Variants in EYS observed in about 807,000 individuals in gnomAD.
EYS encodes EGF-like photoreceptor maintenance factor.
In EYS, 250 loss-of-function variants were observed where a neutral mutation model predicts 282.1. That is an observed-to-expected ratio of 0.89 (90% CI 0.80 to 0.98). EYS has a LOEUF of 0.98. Among genes scored for constraint, EYS ranks in the 50% least tolerant of loss-of-function variants. EYS has a pLI of 0.00. For missense variants in EYS, 4,016 were observed against 3,709.0 expected, an observed-to-expected ratio of 1.08 and a Z score of -2.15; for synonymous variants, 1,355 against 1,282.9, an observed-to-expected ratio of 1.06 and a Z score of -1.20.
At chr6:63,892,267 G>A (rs1470511048) in intron 35 of EYS, among the ~76,000 whole-genome samples, 1 of 152,118 alleles carries the variant, frequency 6.6e-6, no homozygotes, top group Non-Finnish European at 1.5e-5. Context: ...AGCCCATATA[G>A]ACAAGACAAT....
Position 64,464,105 on chromosome 6 carries a change from C to T in EYS, c.5645-24753G>A, listed in dbSNP as rs184698770. 3.9e-5 allele frequency among the ~76,000 whole-genome samples: 6 copies of T among 152,222 alleles called. No individual in the cohort carries two copies. In the East Asian group the frequency reaches 1.2e-3, roughly 29 times the overall value. On this transcript the variant is annotated intron_variant, in intron 26 of 42. Transcript: ENST00000503581. ...CATTAAAATCATTGTTTTCCATGAA[C>T]AAATGGGATTTATCCCAGGGATACA... is the stretch of plus-strand genomic sequence containing the variant.
chr6:64,732,688 T>A (rs762090904), intron 22 of EYS, among the ~76,000 whole-genome samples: 4 of 152,136 alleles, frequency 2.6e-5, no homozygotes. Flanking sequence ...AACCTCTAAA[T>A]AACAGGACAG....
At chr6:65,443,177 C>T (rs1321474843) in intron 5 of EYS, among the ~76,000 whole-genome samples, 2 of 146,546 alleles carry the variant, frequency 1.4e-5, no homozygotes, top group Non-Finnish European at 3.1e-5. Context: ...CACATATGTG[C>T]ACATCATATA....
At chr6:63,983,436 T>C (rs1767200559) in intron 35 of EYS, among the ~76,000 whole-genome samples, 1 of 151,832 alleles carries the variant, frequency 6.6e-6, no homozygotes, top group African/African-American at 2.4e-5. Context: ...TGATTGGTTC[T>C]TTCTCTCTTT....
chr6:64,649,139 A>G (rs2149876937), intron 22 of EYS, among the ~76,000 whole-genome samples: 1 of 152,280 alleles, frequency 6.6e-6, no homozygotes, highest in Admixed American at 6.5e-5. Flanking sequence ...CTCTTACTGT[A>G]ATTTTCCTGT....
intron 18 of EYS, among the ~76,000 whole-genome samples, chr6:64,890,191 C>G (rs1294604499): frequency 1.3e-5 from 2 of 152,028 alleles, no homozygotes; most frequent in Admixed American, 1.3e-4. Flanking sequence ...CTCTCAAAAC[C>G]CTGTCTCCTG....
chr6:64,461,562 T>A (rs79498147), intron 26 of EYS, among the ~76,000 whole-genome samples: 1,620 of 152,332 alleles, frequency 0.011, 23 homozygotes, highest in African/African-American at 0.037. Flanking sequence ...AATATAGATT[T>A]TGTGTTCTTT....
intron 1 of EYS, among the ~76,000 whole-genome samples, chr6:65,684,513 G>A (rs1459603725): frequency 6.6e-6 from 1 of 151,970 alleles, no homozygotes; most frequent in African/African-American, 2.4e-5. Context: ...ATATGGTACA[G>A]AAATGAAGTG....
chr6:65,456,852 G>C (rs1048288738), intron 5 of EYS, among the ~76,000 whole-genome samples: 1 of 152,110 alleles, frequency 6.6e-6, no homozygotes, highest in Non-Finnish European at 1.5e-5. Flanking sequence ...ACCCATATTA[G>C]AAAGGAGGAA....
chr6:64,453,863 G>A (rs35757919), intron 26 of EYS, among the ~76,000 whole-genome samples: 1 of 151,840 alleles, frequency 6.6e-6, no homozygotes, highest in African/African-American at 2.4e-5. Flanking sequence ...GTTGTGGCGT[G>A]GGGGGAGTGG....
chr6:65,005,461 T>G lies in EYS; in HGVS notation c.2138-7758A>C, dbSNP rs1056268682. Reference sequence around the variant, plus strand: ...TCTTGGAAGCGGGTCACCGCCATCTTGGGACCTCTGTGAGCAAGGACCACC... The same window carrying G: ...TCTTGGAAGCGGGTCACCGCCATCTGGGGACCTCTGTGAGCAAGGACCACC... On this transcript the variant is annotated intron_variant, in intron 13 of 42. Transcript: ENST00000503581. 6.1e-5 allele frequency among the ~76,000 whole-genome samples: 9 copies of G among 147,534 alleles called. 1 individual carries two copies. Among genetic ancestry groups the G allele is most frequent in the Non-Finnish European group, 1.2e-4 (8 of 65,824 alleles).
At chr6:65,415,112 C>A (rs1767178289) in intron 5 of EYS, among the ~76,000 whole-genome samples, 1 of 151,958 alleles carries the variant, frequency 6.6e-6, no homozygotes, top group East Asian at 1.9e-4. Context: ...TTAAATTTAG[C>A]AATGGCGATT....
chr6:63,870,081 A>C (rs984427192), intron 35 of EYS, among the ~76,000 whole-genome samples: 1 of 152,190 alleles, frequency 6.6e-6, no homozygotes, highest in Non-Finnish European at 1.5e-5. Context: ...CTGTAAATGC[A>C]GTGCTTATGA....
Position 63,923,557 on chromosome 6 carries a change from T to A in EYS, c.7056-59199A>T, listed in dbSNP as rs117716344. Among the ~76,000 whole-genome samples the A allele has an allele frequency of 1.7e-3, 259 of 152,318 alleles. 3 individuals are homozygous for A. In the East Asian group the frequency reaches 0.042, roughly 24 times the overall value. Reference sequence around the variant, plus strand: ...AAGCCAAATCTTTAAAAAATTTTTATAAGAAAAAAATTATATTTAATACTT... The same window carrying A: ...AAGCCAAATCTTTAAAAAATTTTTAAAAGAAAAAAATTATATTTAATACTT... On this transcript the variant is annotated intron_variant, in intron 35 of 42. Transcript: ENST00000503581.
intron 36 of EYS, among the ~76,000 whole-genome samples, chr6:63,860,604 C>T (rs553809088): frequency 3.3e-5 from 5 of 152,304 alleles, no homozygotes; most frequent in South Asian, 2.1e-4. Context: ...ATGCCCTGTG[C>T]GCCTTTGCAC....
At chr6:64,349,170 C>G (rs771365336) in intron 29 of EYS, among the ~76,000 whole-genome samples, 3 of 151,082 alleles carry the variant, frequency 2.0e-5, no homozygotes, top group East Asian at 2.0e-4. Flanking sequence ...TGTAGTATTA[C>G]AAGAAAACTT....
intron 22 of EYS, among the ~76,000 whole-genome samples, chr6:64,692,594 A>G (rs1231665385): frequency 6.6e-6 from 1 of 152,128 alleles, no homozygotes; most frequent in Non-Finnish European, 1.5e-5. Context: ...GGATTTTTAT[A>G]TTTTGAGGTC....
chr6:64,196,154 C>T (rs1008351513), intron 31 of EYS, among the ~76,000 whole-genome samples: 7 of 152,204 alleles, frequency 4.6e-5, no homozygotes, highest in Non-Finnish European at 7.3e-5. Flanking sequence ...TGCTCATCAT[C>T]ACTGGCCATC....
intron 22 of EYS, among the ~76,000 whole-genome samples, chr6:64,686,664 C>T (rs1468239969): frequency 6.8e-6 from 1 of 146,986 alleles, no homozygotes; most frequent in African/African-American, 2.5e-5. Flanking sequence ...TGACATGAAT[C>T]CAGGAAGCGG....
Sources: gnomAD v4.1 joint callset for allele counts (sites outside exome capture counted in the v4.1 genomes callset) on GRCh38, gnomAD v4.1.1 for gene constraint, MANE v1.5 for transcripts, NCBI Gene and HGNC (gene_info 2026-07-23, HGNC 2026-07-21) for gene names.